Variants in C3orf70 observed in about 807,000 individuals in gnomAD.
C3orf70 encodes UPF0524 protein C3orf70.
Under a neutral mutation model 20.7 loss-of-function variants are expected in C3orf70, and 15 were observed. The observed-to-expected ratio is 0.72, with a 90% CI of 0.48 to 1.11. The LOEUF (loss-of-function observed/expected upper bound fraction) is 1.11, where lower values mean the gene tolerates loss of function less well. Ranked by LOEUF, C3orf70 falls within the 50% of genes most tolerant of loss-of-function variation. The probability of loss-of-function intolerance (pLI) is 0.00; values close to 1 mark genes in which losing one functional copy is unlikely to be tolerated. For synonymous variants in C3orf70, 161 were observed against 125.7 expected, an observed-to-expected ratio of 1.28 and a Z score of -1.88; for missense variants, 332 against 317.6, an observed-to-expected ratio of 1.05 and a Z score of -0.34.
chr3:185,149,351 C>A (rs553069286), intron 1 of C3orf70, among the ~76,000 whole-genome samples: 1 of 145,604 alleles, frequency 6.9e-6, no homozygotes, highest in African/African-American at 2.5e-5. Context: ...GACATCGCGC[C>A]ACTACACTCC....
chr3:185,106,659 C>T (rs989851200), intron 1 of C3orf70, among the ~76,000 whole-genome samples: 1 of 152,236 alleles, frequency 6.6e-6, no homozygotes, highest in Non-Finnish European at 1.5e-5. Context: ...TCAGGCCATT[C>T]CCTCACCCCT....
chr3:185,118,658 A>C (rs1716231657), intron 1 of C3orf70, among the ~76,000 whole-genome samples: 1 of 152,220 alleles, frequency 6.6e-6, no homozygotes, highest in African/African-American at 2.4e-5. Flanking sequence ...TTCAGAAAAG[A>C]CAATAACCTA....
chr3:185,136,689 A>G (rs908973435), intron 1 of C3orf70, among the ~76,000 whole-genome samples: 2 of 152,100 alleles, frequency 1.3e-5, no homozygotes, highest in African/African-American at 4.8e-5. Context: ...GCGCCACAGC[A>G]CTCCAGCCTG....
intron 1 of C3orf70, among the ~76,000 whole-genome samples, chr3:185,142,584 C>T (rs1577335245): frequency 6.6e-6 from 1 of 152,152 alleles, no homozygotes; most frequent in African/African-American, 2.4e-5. Context: ...AAGTGATGCA[C>T]GCAAGGATCT....
chr3:185,122,394 C>A (rs940901543), intron 1 of C3orf70, among the ~76,000 whole-genome samples: 1 of 152,104 alleles, frequency 6.6e-6, no homozygotes, highest in Non-Finnish European at 1.5e-5. Flanking sequence ...AAAAGACAAC[C>A]CCAAATGCCA....
rs768741413 is a variant in C3orf70 at position 185,152,754 on chromosome 3, G to C, written c.70C>G (p.Leu24Val). Residue 24 changes from leucine (L) to valine (V), a missense_variant, in exon 1 of 2, where the codon CTG becomes GTG. By Grantham distance (32) the Leu-to-Val change is conservative. Transcript: ENST00000335012. ...CTGCGGGCGGCGCAACTCCGCGCCA[G>C]GGCCTGAGCCTCATCTAGTTTCTCG... Reference protein sequence around the residue: ...KSEKLDEAQALARSCAARRPD... With the variant: ...KSEKLDEAQAVARSCAARRPD... 27 of 1,593,782 alleles carry C rather than the reference G, an allele frequency of 1.7e-5. No individual in the cohort carries two copies. Among genetic ancestry groups the C allele is most frequent in the Non-Finnish European group, 2.2e-5 (26 of 1,170,830 alleles).
chr3:185,112,110 G>A lies in C3orf70; in HGVS notation c.197-28547C>T, dbSNP rs570757226. Among the ~76,000 whole-genome samples, 3 of 152,160 alleles carry A rather than the reference G, an allele frequency of 2.0e-5. No individual in the cohort carries two copies. In the South Asian group the frequency reaches 6.2e-4, roughly 32 times the overall value. On this transcript the variant is annotated intron_variant, in intron 1 of 1. Coordinates refer to ENST00000335012, the MANE Select transcript of C3orf70 (RefSeq NM_001025266.3). ...GTTCGAGATCAGCCTGACCAACATG[G>A]GGAAATCCTGTCTCTACTTAAAATA...
chr3:185,130,504 T>A (rs904425914), intron 1 of C3orf70, among the ~76,000 whole-genome samples: 9 of 152,204 alleles, frequency 5.9e-5, no homozygotes, highest in Non-Finnish European at 8.8e-5. Flanking sequence ...TAAAAGTATA[T>A]ACTCAGTGGG....
intron 1 of C3orf70, among the ~76,000 whole-genome samples, chr3:185,091,957 ATATATATT>A (rs1351204391): frequency 9.9e-4 from 7 of 7,044 alleles, no homozygotes; most frequent in Non-Finnish European, 1.2e-3. Flanking sequence ...ATATATATAT[ATATATATT>A]TTTTTTTTTT....
chr3:185,100,485 T>C (rs1013996133), intron 1 of C3orf70, among the ~76,000 whole-genome samples: 8 of 152,194 alleles, frequency 5.3e-5, no homozygotes, highest in Admixed American at 1.3e-4. Context: ...AAAGAAATTC[T>C]TTGAAACCAA....
At chr3:185,113,216 G>A (rs1028523641) in intron 1 of C3orf70, among the ~76,000 whole-genome samples, 19 of 149,956 alleles carry the variant, frequency 1.3e-4, no homozygotes, top group African/African-American at 2.0e-4. Context: ...AGGCTGAGGC[G>A]GGCAGATCAT....
chr3:185,095,799 C>T (rs527870914), intron 1 of C3orf70, among the ~76,000 whole-genome samples: 98 of 147,744 alleles, frequency 6.6e-4, no homozygotes, highest in African/African-American at 2.1e-3. Context: ...TGCAGTGGCA[C>T]GATCTCGGCT....
intron 1 of C3orf70, among the ~76,000 whole-genome samples, chr3:185,109,012 CTA>C (rs1716004841): frequency 6.6e-6 from 1 of 152,204 alleles, no homozygotes; most frequent in African/African-American, 2.4e-5. Context: ...ACATTTTTCT[CTA>C]TGTGGAATAT....
Position 185,080,480 on chromosome 3 carries a change from G to C in C3orf70, c.*2527C>G, listed in dbSNP as rs1198418972. The C allele has an allele frequency of 6.5e-6, 1 of 152,672 alleles. No homozygotes were observed. The highest frequency in any genetic ancestry group is 1.5e-5 in the Non-Finnish European group (1 of 68,072). 9.5% of individuals were successfully genotyped at this position (152,672 alleles called of 1,614,324 possible). Reference sequence around the variant, plus strand: ...TCTGGTTGACTCCATTGGCTTAGTGGTGGGAATGTGGGCCTGTACGGAACA... The same window carrying C: ...TCTGGTTGACTCCATTGGCTTAGTGCTGGGAATGTGGGCCTGTACGGAACA... On this transcript the variant is annotated 3_prime_UTR_variant, in exon 2 of 2. Coordinates refer to ENST00000335012, the MANE Select transcript of C3orf70 (RefSeq NM_001025266.3).
chr3:185,090,048 T>C (rs527795575), intron 1 of C3orf70, among the ~76,000 whole-genome samples: 1 of 152,288 alleles, frequency 6.6e-6, no homozygotes, highest in Admixed American at 6.5e-5. Context: ...TATAACAAGA[T>C]AGGAGTCAAT....
Position 185,079,278 on chromosome 3 carries a change from C to T in C3orf70, c.*3729G>A, listed in dbSNP as rs1164914545. The T allele has an allele frequency of 3.7e-5, 3 of 80,520 alleles. No homozygotes were observed. The highest frequency in any genetic ancestry group is 2.5e-4 in the African/African-American group (3 of 11,770). 5.0% of individuals were successfully genotyped at this position (80,520 alleles called of 1,614,324 possible). ...CCTGGGTGAAGGAGCGAGACTCTGT[C>T]TCAAAAAAAAAAAAAAAAAAAAAAA... On this transcript the variant is annotated 3_prime_UTR_variant, in exon 2 of 2. Transcript: ENST00000335012.
chr3:185,096,746 C>T (rs1395865446), intron 1 of C3orf70, among the ~76,000 whole-genome samples: 2 of 152,136 alleles, frequency 1.3e-5, no homozygotes, highest in African/African-American at 4.8e-5. Context: ...GTGATAACCT[C>T]CCCATGCCCT....
chr3:185,100,410 T>C (rs1335421753), intron 1 of C3orf70, among the ~76,000 whole-genome samples: 4 of 152,000 alleles, frequency 2.6e-5, no homozygotes, highest in Non-Finnish European at 5.9e-5. Context: ...AACCATACAA[T>C]TATATGGAAG....
At chr3:185,139,875 A>G (rs540225717) in intron 1 of C3orf70, among the ~76,000 whole-genome samples, 1 of 152,078 alleles carries the variant, frequency 6.6e-6, no homozygotes, top group South Asian at 2.1e-4. Context: ...TAAAAATTTT[A>G]GAAAAAAAAT....
Sources: allele counts gnomAD v4.1 joint callset (sites outside exome capture counted in the v4.1 genomes callset), GRCh38; gene constraint gnomAD v4.1.1; transcripts MANE v1.5; gene names NCBI Gene and HGNC (gene_info 2026-07-23, HGNC 2026-07-21).